DPH6: variants seen among roughly 807,000 people sequenced by gnomAD.
DPH6 encodes the protein diphthine--ammonia ligase.
DPH6 carries 33 observed loss-of-function variants against 38.2 expected under a neutral mutation model. The observed-to-expected ratio is 0.86, with a 90% CI of 0.65 to 1.15. The LOEUF (loss-of-function observed/expected upper bound fraction) is 1.15, where lower values mean the gene tolerates loss of function less well. Ranked by LOEUF, DPH6 falls within the 50% of genes most tolerant of loss-of-function variation. The pLI, the probability that DPH6 is intolerant of heterozygous loss-of-function variation, is 0.00. For synonymous variants in DPH6, 108 were observed against 103.0 expected (o/e 1.05, Z -0.30); for missense variants, 325 against 320.0 (o/e 1.02, Z -0.12).
chr15:35,509,140 T>C (rs914197183), intron 3 of DPH6, among the ~76,000 whole-genome samples: 1 of 152,216 alleles, frequency 6.6e-6, no homozygotes. Context: ...AGCTGTGCTA[T>C]ACAATTTTTA....
the DPH6 span, among the ~76,000 whole-genome samples, chr15:35,174,479 G>T: frequency 6.6e-6 from 1 of 152,002 alleles, no homozygotes; most frequent in Non-Finnish European, 1.5e-5. Context: ...TATCAGTGAT[G>T]GAAAAATCAG....
intron 5 of DPH6, among the ~76,000 whole-genome samples, chr15:35,436,490 A>AAACAAACAAAC (rs1354589608): frequency 2.5e-5 from 1 of 39,792 alleles, no homozygotes; most frequent in African/African-American, 1.0e-4. Context: ...AAAACAAAAC[A>AAACAAACAAAC]AAACAAAACA....
chr15:35,430,293 A>G (rs1030830056), intron 5 of DPH6, among the ~76,000 whole-genome samples: 1 of 152,082 alleles, frequency 6.6e-6, no homozygotes, highest in Non-Finnish European at 1.5e-5. Flanking sequence ...ATTGCTACTC[A>G]GTTTATAAAG....
At chr15:35,369,938 T>C (rs376635949), downstream of DPH6, among the ~76,000 whole-genome samples, 19 of 151,822 alleles carry the variant, frequency 1.3e-4, 4 homozygotes, top group Admixed American at 2.0e-4. Flanking sequence ...AAGAAAAAAG[T>C]TGGAAGACAA....
At chr15:35,337,092 G>A (rs1407011832) in intron 3 of DPH6, among the ~76,000 whole-genome samples, 2 of 152,040 alleles carry the variant, frequency 1.3e-5, no homozygotes, top group African/African-American at 4.8e-5. Flanking sequence ...CTTTTTGGTT[G>A]GTAAGCTATT....
intron 5 of DPH6, among the ~76,000 whole-genome samples, chr15:35,439,098 C>G (rs1050273144): frequency 2.6e-5 from 4 of 152,182 alleles, no homozygotes; most frequent in African/African-American, 9.7e-5. Flanking sequence ...ATGACGATCT[C>G]ACCTCACGGT....
chr15:35,546,007 A>G, intron 1 of DPH6, 112 bp downstream of exon 1: 1 of 1,000,090 alleles, frequency 1.0e-6, no homozygotes. Context: ...GGAGCCGCGG[A>G]ACCCCCAACG....
At chr15:35,469,763 A>G (rs2054174123) in intron 3 of DPH6, among the ~76,000 whole-genome samples, 2 of 152,208 alleles carry the variant, frequency 1.3e-5, no homozygotes, top group Non-Finnish European at 2.9e-5. Flanking sequence ...GGTAACATAA[A>G]TGTGTATACC....
the DPH6 span, among the ~76,000 whole-genome samples, chr15:35,162,244 T>C: frequency 6.6e-6 from 1 of 151,898 alleles, no homozygotes; most frequent in South Asian, 2.1e-4. Flanking sequence ...AGCCAAGATA[T>C]ATTTTAGAAA....
At chr15:35,487,510 G>GTA in intron 3 of DPH6, among the ~76,000 whole-genome samples, 1 of 152,356 alleles carries the variant, frequency 6.6e-6, no homozygotes, top group Admixed American at 6.5e-5. Context: ...GGCCTGAGCT[G>GTA]TACCTTGGCC....
chr15:35,150,376 TG>T, the DPH6 span, among the ~76,000 whole-genome samples: 1 of 152,262 alleles, frequency 6.6e-6, no homozygotes, highest in Non-Finnish European at 1.5e-5. Context: ...CTTAGCCATT[TG>T]AACTGGCAGT....
intron 3 of DPH6, among the ~76,000 whole-genome samples, chr15:35,525,813 C>G (rs979567542): frequency 6.6e-6 from 1 of 152,128 alleles, no homozygotes; most frequent in Non-Finnish European, 1.5e-5. Flanking sequence ...GCACCCCAGC[C>G]TGGGTGACAG....
At chr15:35,489,325 A>G (rs1454317417) in intron 3 of DPH6, 1 of 985,122 alleles carries the variant, frequency 1.0e-6, no homozygotes, top group African/African-American at 1.7e-5. Context: ...GTGATGAGAA[A>G]TAAGAATTTT....
At chr15:35,352,203 A>T (rs928501518) in intron 3 of DPH6, among the ~76,000 whole-genome samples, 1 of 151,944 alleles carries the variant, frequency 6.6e-6, no homozygotes, top group Non-Finnish European at 1.5e-5. Context: ...TTTCATATGC[A>T]TTTGTATTAT....
downstream of DPH6, among the ~76,000 whole-genome samples, chr15:35,212,960 A>C (rs2140379671): frequency 6.6e-6 from 1 of 152,380 alleles, no homozygotes; most frequent in East Asian, 1.9e-4. Context: ...TTTATATTTG[A>C]CATTAGAGTT....
chr15:35,368,404 T>C (rs890950946), downstream of DPH6, among the ~76,000 whole-genome samples: 10 of 151,920 alleles, frequency 6.6e-5, no homozygotes, highest in African/African-American at 2.4e-4. Context: ...AGCCTTCCAT[T>C]CATGGCTAAT....
chr15:35,340,369 C>T (rs1224765450), intron 3 of DPH6, among the ~76,000 whole-genome samples: 1 of 152,084 alleles, frequency 6.6e-6, no homozygotes, highest in Non-Finnish European at 1.5e-5. Flanking sequence ...GGTATTTAGC[C>T]CATTTACATT....
At chr15:35,231,940 G>C (rs11073088) in intron 3 of DPH6, among the ~76,000 whole-genome samples, 2 of 152,078 alleles carry the variant, frequency 1.3e-5, no homozygotes, top group African/African-American at 4.8e-5. Context: ...ATTCATGAGC[G>C]ATCTGCCCCC....
At position 35,253,594 on chromosome 15, in the gene DPH6, CTAAG is replaced by C. The variant is rs1317648527; in HGVS notation, n.201-33016_201-33013del. 4.6e-5 allele frequency among the ~76,000 whole-genome samples: 7 copies of C among 152,180 alleles called. No homozygotes were observed. The South Asian group carries it at 6.2e-4, about 13-fold the overall frequency. On this transcript the variant is annotated intron_variant and non_coding_transcript_variant, in intron 3 of 3. Transcript: ENST00000560386. ...ATCGACATTTGATGGTTTCAAAACT[CTAAG>C]TAATACGCTAGTCACTTAAAAATAT...
Sources: allele counts gnomAD v4.1 joint callset (sites outside exome capture counted in the v4.1 genomes callset), GRCh38; gene constraint gnomAD v4.1.1; transcripts MANE v1.5; gene names NCBI Gene and HGNC (gene_info 2026-07-23, HGNC 2026-07-21).